Variants in TSHZ2 observed in about 807,000 individuals in gnomAD.
TSHZ2 encodes the protein teashirt homolog 2.
TSHZ2 carries 21 observed loss-of-function variants against 74.4 expected under a neutral mutation model. The ratio of observed to expected loss-of-function variants is 0.28; its 90% CI spans 0.20 to 0.41. The LOEUF is 0.41. Ranked by LOEUF, TSHZ2 falls within the 10% of genes least tolerant of loss-of-function variation. The pLI is 1.00. For synonymous variants in TSHZ2, 540 were observed against 515.3 expected (o/e 1.05, Z -0.65); for missense variants, 1,244 against 1,293.5 (o/e 0.96, Z 0.59).
At chr20:53,432,789 T>C (rs141180369) in intron 2 of TSHZ2, among the ~76,000 whole-genome samples, 1 of 152,350 alleles carries the variant, frequency 6.6e-6, no homozygotes, top group African/African-American at 2.4e-5. Flanking sequence ...TTAAGAAAAT[T>C]CTAAGTTAGG....
At chr20:53,005,810 A>AC (rs1248039876) in intron 1 of TSHZ2, among the ~76,000 whole-genome samples, 1 of 152,072 alleles carries the variant, frequency 6.6e-6, no homozygotes, top group African/African-American at 2.4e-5. Context: ...TGGTGACCTC[A>AC]CTTTTTCTTC....
chr20:53,277,460 G>GAAA (rs113376847), intron 2 of TSHZ2, among the ~76,000 whole-genome samples: 5 of 146,048 alleles, frequency 3.4e-5, no homozygotes, highest in African/African-American at 1.2e-4. Flanking sequence ...TAAAAAACAG[G>GAAA]AAAAAAAAAA....
chr20:53,438,017 G>A (rs1014275075), intron 2 of TSHZ2, among the ~76,000 whole-genome samples: 3 of 151,938 alleles, frequency 2.0e-5, no homozygotes, highest in African/African-American at 7.3e-5. Context: ...CCCAGTCTCG[G>A]GTATCCCCTT....
chr20:53,393,909 C>G (rs1488745676), intron 2 of TSHZ2, among the ~76,000 whole-genome samples: 1 of 152,104 alleles, frequency 6.6e-6, no homozygotes, highest in African/African-American at 2.4e-5. Context: ...TTTAAAAATT[C>G]TAACGACTTC....
intron 2 of TSHZ2, among the ~76,000 whole-genome samples, chr20:53,467,925 C>T (rs985482096): frequency 2.6e-5 from 4 of 151,954 alleles, no homozygotes; most frequent in Non-Finnish European, 5.9e-5. Context: ...ACTTTTGTGA[C>T]ATAGTCAAAT....
At chr20:53,175,281 C>T (rs749691580) in intron 1 of TSHZ2, among the ~76,000 whole-genome samples, 70 of 151,958 alleles carry the variant, frequency 4.6e-4, no homozygotes, top group South Asian at 1.9e-3. Context: ...GCTGGAATTA[C>T]AGTCGCCCAC....
intron 2 of TSHZ2, chr20:53,401,067 A>C (rs1460101601): frequency 6.6e-6 from 1 of 152,218 alleles, no homozygotes; most frequent in Admixed American, 6.5e-5. Context: ...CAGCCCGAGA[A>C]CACACAGCAG....
chr20:53,435,232 G>C (rs1246598355), intron 2 of TSHZ2, among the ~76,000 whole-genome samples: 1 of 152,148 alleles, frequency 6.6e-6, no homozygotes, highest in East Asian at 1.9e-4. Flanking sequence ...TGTGTGCAAG[G>C]TCCTGTGTCA....
At chr20:53,175,764 T>G (rs1270107744) in intron 1 of TSHZ2, among the ~76,000 whole-genome samples, 1 of 152,170 alleles carries the variant, frequency 6.6e-6, no homozygotes, top group Non-Finnish European at 1.5e-5. Flanking sequence ...TGGATTCAGA[T>G]TGGTGGTACC....
At position 53,254,230 on chromosome 20, in the gene TSHZ2, C is replaced by T. The variant is rs1401259607; in HGVS notation, c.772C>T (p.Pro258Ser). Residue 258 changes from proline (P) to serine (S), a missense_variant, in exon 2 of 3, where the codon CCC (proline) becomes TCC (serine). Physicochemically the swap from Pro to Ser is moderately conservative, Grantham distance 74 (BLOSUM62 -1). This residue lies in a region of TSHZ2 where 470 missense variants were observed against 456.5 expected (regional missense o/e 1.03). Coordinates refer to ENST00000371497, the MANE Select transcript of TSHZ2 (RefSeq NM_173485.6). The stretch of plus-strand genomic sequence containing the variant: ...GCTCAGACCCACGAGCTATTCAAAG[C>T]CCAGGAAAAGGGCTTTCCAGGATAT... ...DKLRPTSYSK[P>S]RKRAFQDMDK... 6.2e-7 allele frequency: 1 copy of T among 1,614,110 alleles called. No individual in the cohort carries two copies. The highest frequency in any genetic ancestry group is 1.3e-5 in the African/African-American group (1 of 75,014).
At chr20:53,354,967 T>C (rs745448549) in intron 2 of TSHZ2, among the ~76,000 whole-genome samples, 2 of 152,180 alleles carry the variant, frequency 1.3e-5, no homozygotes, top group South Asian at 2.1e-4. Flanking sequence ...TTTTCTTTGA[T>C]TGGGCAAGGG....
chr20:53,283,536 T>C (rs1208870985), intron 2 of TSHZ2, among the ~76,000 whole-genome samples: 3 of 152,158 alleles, frequency 2.0e-5, no homozygotes, highest in Non-Finnish European at 4.4e-5. Flanking sequence ...TGCTGGACTT[T>C]AGGGCTTGCT....
chr20:53,109,157 A>C (rs545341206), intron 1 of TSHZ2, among the ~76,000 whole-genome samples: 1 of 152,314 alleles, frequency 6.6e-6, no homozygotes, highest in Non-Finnish European at 1.5e-5. Context: ...ACAAAAATAC[A>C]CTTCCGTACT....
chr20:53,344,968 C>T (rs1980379812), intron 2 of TSHZ2, among the ~76,000 whole-genome samples: 1 of 152,164 alleles, frequency 6.6e-6, no homozygotes, highest in South Asian at 2.1e-4. Flanking sequence ...AAATGCAATG[C>T]ACTGTGATTG....
At chr20:53,190,131 A>ATTTTTTTT (rs1263239847) in intron 1 of TSHZ2, among the ~76,000 whole-genome samples, 3 of 87,026 alleles carry the variant, frequency 3.4e-5, no homozygotes, top group African/African-American at 1.4e-4. Context: ...ATATATATAT[A>ATTTTTTTT]TATATATTTT....
chr20:53,463,410 GGAAGGAAGGAAGGAAGGAAGGAA>G (rs1985449295), intron 2 of TSHZ2, among the ~76,000 whole-genome samples: 2 of 123,176 alleles, frequency 1.6e-5, no homozygotes. Flanking sequence ...AAGGAAGGAA[GGAAGGAAGGAAGGAAGGAAGGAA>G]GGAGGGAGGG....
At chr20:53,390,314 T>C (rs1332058830) in intron 2 of TSHZ2, among the ~76,000 whole-genome samples, 1 of 152,238 alleles carries the variant, frequency 6.6e-6, no homozygotes, top group Non-Finnish European at 1.5e-5. Context: ...GCCTTCATTT[T>C]ACATCCTTGA....
intron 2 of TSHZ2, among the ~76,000 whole-genome samples, chr20:53,466,226 C>T (rs1367879601): frequency 2.1e-5 from 3 of 142,206 alleles, no homozygotes; most frequent in African/African-American, 7.9e-5. Flanking sequence ...CTAGACTGGG[C>T]GACAGAGCAA....
At chr20:53,089,416 A>T (rs1985807712) in intron 1 of TSHZ2, among the ~76,000 whole-genome samples, 1 of 151,178 alleles carries the variant, frequency 6.6e-6, no homozygotes, top group African/African-American at 2.4e-5. Context: ...ACCGTAATAG[A>T]AAGAGATAAG....
Sources: allele counts gnomAD v4.1 joint callset (sites outside exome capture counted in the v4.1 genomes callset), GRCh38; gene constraint gnomAD v4.1.1; regional missense constraint gnomAD v4.1.1; transcripts MANE v1.5; gene names NCBI Gene and HGNC (gene_info 2026-07-23, HGNC 2026-07-21).